The following NEK5 variants were observed in gnomAD, a reference collection of about 807,000 sequenced individuals.
NEK5 encodes serine/threonine-protein kinase Nek5.
A neutral mutation model predicts 109.2 loss-of-function variants in NEK5; 88 were observed. The observed-to-expected ratio is 0.81, with a 90% CI of 0.68 to 0.96. The LOEUF is 0.96. Among genes scored for constraint, NEK5 ranks in the 40% least tolerant of loss-of-function variants. The probability of loss-of-function intolerance (pLI) is 0.00; values close to 1 mark genes in which losing one functional copy is unlikely to be tolerated. For missense variants in NEK5, 834 were observed against 920.7 expected (o/e 0.91, Z 1.22); for synonymous variants, 283 against 299.9 (o/e 0.94, Z 0.58).
Position 52,061,965 on chromosome 13 carries a change from A to C in NEK5, c.1976-12T>G, listed in dbSNP as rs1954617615. 1 of 480,426 alleles carries C rather than the reference A, an allele frequency of 2.1e-6. No individual in the cohort carries two copies. The highest frequency in any genetic ancestry group is 2.7e-6 in the Non-Finnish European group (1 of 368,112). 29.8% of individuals were successfully genotyped at this position (480,426 alleles called of 1,614,324 possible). ...AATAACTTGGCCATCTGAAGAGGAA[A>C]GTGTTATTAAAAATAAAAATGCTTC... On this transcript the variant is annotated splice_polypyrimidine_tract_variant and intron_variant, in intron 21 of 23. Coordinates refer to ENST00000684899, the MANE Select transcript of NEK5 (RefSeq NM_001365552.1).
At chr13:52,083,424 C>G in intron 16 of NEK5, 72 bp from the exon 17 acceptor site, 1 of 879,174 alleles carries the variant, frequency 1.1e-6, no homozygotes, top group South Asian at 1.3e-5. Flanking sequence ...GGCTGATGCG[C>G]GATCAATGAT....
Position 52,076,949 on chromosome 13 carries a change from G to A in NEK5, c.1573-806C>T, listed in dbSNP as rs142157376. 3.3e-3 allele frequency among the ~76,000 whole-genome samples: 506 copies of A among 152,316 alleles called. 2 individuals carry two copies. Among genetic ancestry groups the A allele is most frequent in the African/African-American group, 0.012 (489 of 41,568 alleles). On this transcript the variant is annotated intron_variant, in intron 17 of 23. Transcript: ENST00000684899. ...TAGGATAGGTAATAAATGAGTTAAC[G>A]AATGACATAATTTCAGAAAGTGTTA...
intron 12 of NEK5, among the ~76,000 whole-genome samples, chr13:52,097,371 C>A (rs901120496): frequency 6.6e-6 from 1 of 152,210 alleles, no homozygotes; most frequent in East Asian, 1.9e-4. Flanking sequence ...TCAACAGCAG[C>A]CTGTGAGAGC....
chr13:52,108,509 G>A (rs1955697235), intron 7 of NEK5, 105 bp from the exon 8 acceptor site: 1 of 658,696 alleles, frequency 1.5e-6, no homozygotes, highest in Admixed American at 2.5e-5. Flanking sequence ...GATAACACAA[G>A]ATTTGATGCA....
intron 16 of NEK5, among the ~76,000 whole-genome samples, chr13:52,084,160 A>T (rs1465968269): frequency 6.6e-6 from 1 of 152,174 alleles, no homozygotes; most frequent in East Asian, 1.9e-4. Context: ...TGATTGTTTT[A>T]TACATGTGTC....
chr13:52,064,647 C>T (rs1178636663), intron 21 of NEK5: 3 of 234,200 alleles, frequency 1.3e-5, no homozygotes, highest in South Asian at 5.0e-5. Context: ...GAGAACGGGC[C>T]GGGATGACAA....
chr13:52,042,005 G>C (rs937470518), intron 23 of NEK5, among the ~76,000 whole-genome samples: 6 of 151,642 alleles, frequency 4.0e-5, no homozygotes, highest in African/African-American at 1.5e-4. Flanking sequence ...AGAATGTAAG[G>C]AATTAAAAAA....
At position 52,035,654 on chromosome 13, in the gene NEK5, T is replaced by C. The variant is rs1954354596; in HGVS notation, c.*1294A>G. On this transcript the variant is annotated 3_prime_UTR_variant, in exon 24 of 24. Transcript: ENST00000684899. ...CATTTATTAATTCAGGAAACATTTC[T>C]GGCACTGTGCTAATAACTATATAAG... 6.6e-6 allele frequency: 1 copy of C among 152,248 alleles called. No homozygotes were observed. The allele number at this position is 152,248 out of a possible 1,614,324, so 9.4% of individuals were successfully genotyped here. A position where few individuals can be genotyped will look rare whatever the true frequency, so the allele number is the denominator to read the frequency against.
At chr13:52,066,052 TATA>T (rs1462770653) in intron 20 of NEK5, among the ~76,000 whole-genome samples, 2 of 152,136 alleles carry the variant, frequency 1.3e-5, no homozygotes, top group Non-Finnish European at 2.9e-5. Context: ...GTCCAGAGAC[TATA>T]ATAATTTCAA....
intron 4 of NEK5, among the ~76,000 whole-genome samples, chr13:52,114,691 A>G (rs556326017): frequency 1.3e-5 from 2 of 152,202 alleles, no homozygotes; most frequent in South Asian, 4.1e-4. Flanking sequence ...GTGAGGAGAA[A>G]GCGCATGCAA....
intron 12 of NEK5, among the ~76,000 whole-genome samples, chr13:52,097,734 T>A (rs1372527301): frequency 1.3e-5 from 2 of 152,080 alleles, no homozygotes; most frequent in Non-Finnish European, 2.9e-5. Context: ...CTGAAATGAG[T>A]TAAGCCTTGG....
intron 22 of NEK5, among the ~76,000 whole-genome samples, chr13:52,055,170 G>A (rs1041105370): frequency 9.2e-5 from 14 of 152,240 alleles, no homozygotes; most frequent in East Asian, 7.7e-4. Context: ...CTCAGGAGCC[G>A]ATGCGATCAA....
chr13:52,050,045 T>G (rs1471735186), intron 23 of NEK5, 59 bp downstream of exon 23: 1 of 574,838 alleles, frequency 1.7e-6, no homozygotes, highest in African/African-American at 2.0e-5. Context: ...ATGTCTCAAC[T>G]GCAGCATTTT....
Position 52,093,183 on chromosome 13 carries a change from T to C in NEK5, c.1079A>G (p.Tyr360Cys), listed in dbSNP as rs557041954. 139 of 1,613,374 alleles carry C rather than the reference T, an allele frequency of 8.6e-5. 2 individuals carry two copies. In the South Asian group the frequency reaches 1.1e-3, roughly 12 times the overall value. ...KIAAVCGHYD[Y>C]YYAQLDMLRR... ...CAGCATATCAAGTTGAGCATAATAA[T>C]AATCATAATGTCCACAGACAGCAGC... is the stretch of plus-strand genomic sequence containing the variant. Residue 360 changes from tyrosine (Y) to cysteine (C), a missense_variant, in exon 13 of 24, where the codon TAT becomes TGT. Coordinates refer to ENST00000684899, the MANE Select transcript of NEK5 (RefSeq NM_001365552.1).
At chr13:52,068,670 CAG>C (rs1954730168) in intron 20 of NEK5, among the ~76,000 whole-genome samples, 1 of 152,068 alleles carries the variant, frequency 6.6e-6, no homozygotes, top group Admixed American at 6.6e-5. Context: ...TAATTCATAA[CAG>C]AAATATGAAG....
intron 22 of NEK5, among the ~76,000 whole-genome samples, chr13:52,051,694 C>G (rs1308985646): frequency 1.3e-5 from 2 of 152,194 alleles, no homozygotes; most frequent in Non-Finnish European, 1.5e-5. Context: ...CGATTTATCA[C>G]TAAGGCAAGA....
intron 21 of NEK5, among the ~76,000 whole-genome samples, chr13:52,064,090 G>A (rs1954644667): frequency 1.4e-5 from 2 of 147,136 alleles, no homozygotes; most frequent in South Asian, 4.3e-4. Context: ...CCCCATCCGG[G>A]AGGTGAGGGG....
intron 23 of NEK5, among the ~76,000 whole-genome samples, chr13:52,046,366 A>G (rs1008566923): frequency 6.6e-6 from 1 of 150,778 alleles, no homozygotes; most frequent in Non-Finnish European, 1.5e-5. Flanking sequence ...ACTCCCAGCC[A>G]CTCAGGAGGC....
At chr13:52,109,372 T>C (rs1486426585) in intron 7 of NEK5, among the ~76,000 whole-genome samples, 2 of 152,126 alleles carry the variant, frequency 1.3e-5, no homozygotes, top group African/African-American at 2.4e-5. Flanking sequence ...CTTGTAGCAA[T>C]AAGATACCAA....
Sources: gnomAD v4.1 joint callset for allele counts (sites outside exome capture counted in the v4.1 genomes callset) on GRCh38, gnomAD v4.1.1 for gene constraint, MANE v1.5 for transcripts, NCBI Gene and HGNC (gene_info 2026-07-23, HGNC 2026-07-21) for gene names.